Variants in ADGRB3 observed in about 807,000 individuals in gnomAD.
The protein encoded by ADGRB3 is brain-specific angiogenesis inhibitor 3.
Under a neutral mutation model 193.4 loss-of-function variants are expected in ADGRB3, and 37 were observed. That is an observed-to-expected ratio of 0.19 (90% CI 0.15 to 0.25). ADGRB3 has a LOEUF of 0.25. ADGRB3 is among the 10% of genes least tolerant of loss of function. The pLI is 1.00. For missense variants in ADGRB3, 1,637 were observed against 1,852.9 expected, an observed-to-expected ratio of 0.88 and a Z score of 2.14; for synonymous variants, 690 against 644.2, an observed-to-expected ratio of 1.07 and a Z score of -1.08.
At chr6:69,276,527 G>A (rs552743532) in intron 20 of ADGRB3, among the ~76,000 whole-genome samples, 13 of 152,168 alleles carry the variant, frequency 8.5e-5, no homozygotes, top group African/African-American at 3.1e-4. Flanking sequence ...TCCCATCAAG[G>A]TTTTCCACTT....
intron 3 of ADGRB3, among the ~76,000 whole-genome samples, chr6:68,840,369 CTTTTTTTTTTTTTTTTTTTTTTTTTT>C (rs752625602): frequency 1.4e-5 from 1 of 69,426 alleles, no homozygotes; most frequent in Non-Finnish European, 2.4e-5. Context: ...ACTGGGCAGT[CTTTTTTTTTTTTTTTTTTTTTTTTTT>C]TTTTTTTTTT....
chr6:68,936,762 T>C, intron 5 of ADGRB3, 82 bp downstream of exon 5: 1 of 1,435,918 alleles, frequency 7.0e-7, no homozygotes, highest in Non-Finnish European at 9.4e-7. Flanking sequence ...TATTTTCATA[T>C]GAAACGGGTA....
intron 13 of ADGRB3, among the ~76,000 whole-genome samples, chr6:69,040,330 T>TTTCTTTCTTTCC: frequency 2.2e-5 from 1 of 46,390 alleles, no homozygotes; most frequent in African/African-American, 6.5e-5. Context: ...TCTTTCTTTC[T>TTTCTTTCTTTCC]TTCTTTCTTT....
intron 17 of ADGRB3, among the ~76,000 whole-genome samples, chr6:69,099,606 G>A (rs1772977309): frequency 6.6e-6 from 1 of 152,184 alleles, no homozygotes; most frequent in Non-Finnish European, 1.5e-5. Flanking sequence ...GCTCCTCAAT[G>A]TGCTTCACTT....
At chr6:69,114,431 G>A (rs751225758) in intron 17 of ADGRB3, among the ~76,000 whole-genome samples, 1 of 152,216 alleles carries the variant, frequency 6.6e-6, no homozygotes, top group South Asian at 2.1e-4. Flanking sequence ...TGGATAGATT[G>A]CAAAAATTTT....
rs566067323 is a variant in ADGRB3 at position 69,037,598 on chromosome 6, C to T, written c.2108-10587C>T. Among the ~76,000 whole-genome samples, 5 of 152,102 alleles carry T rather than the reference C, an allele frequency of 3.3e-5. No individual in the cohort carries two copies. In the East Asian group the frequency reaches 9.7e-4, roughly 29 times the overall value. On this transcript the variant is annotated intron_variant, in intron 13 of 31. Coordinates refer to ENST00000370598, the MANE Select transcript of ADGRB3 (RefSeq NM_001704.3). The stretch of plus-strand genomic sequence containing the variant: ...AGCCTTTGACTTCTTATAAAACCAT[C>T]CTCTCATTATTAAACTATCCCTTTC...
intron 3 of ADGRB3, among the ~76,000 whole-genome samples, chr6:68,841,471 A>G (rs1265387102): frequency 6.6e-6 from 1 of 152,182 alleles, no homozygotes; most frequent in Admixed American, 6.5e-5. Context: ...CAAACTATAC[A>G]AGCTCATGGA....
At chr6:68,798,523 G>A (rs1161331280) in intron 3 of ADGRB3, among the ~76,000 whole-genome samples, 2 of 151,354 alleles carry the variant, frequency 1.3e-5, no homozygotes, top group East Asian at 1.9e-4. Context: ...TCACACAGTG[G>A]GGCCTGTCAG....
chr6:68,802,654 G>T (rs1039893434), intron 3 of ADGRB3, among the ~76,000 whole-genome samples: 2 of 152,170 alleles, frequency 1.3e-5, no homozygotes, highest in African/African-American at 2.4e-5. Flanking sequence ...CTTGCTTAAT[G>T]AATCCATTTA....
intron 20 of ADGRB3, 98 bp from the exon 21 acceptor site, chr6:69,324,774 T>C: frequency 3.7e-6 from 5 of 1,346,322 alleles, no homozygotes; most frequent in Non-Finnish European, 5.1e-6. Flanking sequence ...ATATTTGAAA[T>C]AAAAGCAATG....
At chr6:69,011,960 A>G (rs1381536594) in intron 11 of ADGRB3, among the ~76,000 whole-genome samples, 4 of 152,068 alleles carry the variant, frequency 2.6e-5, no homozygotes, top group Non-Finnish European at 5.9e-5. Flanking sequence ...GTAAAGCCAC[A>G]TTTGTTGGCC....
chr6:69,290,948 T>C (rs186826458), intron 20 of ADGRB3, among the ~76,000 whole-genome samples: 7 of 152,320 alleles, frequency 4.6e-5, no homozygotes, highest in African/African-American at 1.7e-4. Flanking sequence ...TTTATCAGAA[T>C]AATACCTGCT....
intron 17 of ADGRB3, among the ~76,000 whole-genome samples, chr6:69,077,827 T>A (rs1772276588): frequency 6.6e-6 from 1 of 152,008 alleles, no homozygotes; most frequent in African/African-American, 2.4e-5. Flanking sequence ...CTCAAGGGAT[T>A]GGTGTAGTTC....
chr6:69,146,827 T>G (rs1405120767), intron 17 of ADGRB3, among the ~76,000 whole-genome samples: 4 of 150,252 alleles, frequency 2.7e-5, no homozygotes, highest in African/African-American at 9.7e-5. Flanking sequence ...ACTTCTTTTT[T>G]TTTTTTTTTT....
intron 3 of ADGRB3, among the ~76,000 whole-genome samples, chr6:68,860,020 A>G (rs868404588): frequency 3.9e-5 from 6 of 152,294 alleles, no homozygotes; most frequent in African/African-American, 1.2e-4. Context: ...ATAACTATGT[A>G]TATTTTCCAA....
chr6:69,363,113 A>C (rs1354460179), intron 29 of ADGRB3, among the ~76,000 whole-genome samples: 5 of 151,992 alleles, frequency 3.3e-5, no homozygotes, highest in African/African-American at 1.2e-4. Context: ...GTGCTTGAAC[A>C]ATAGACTGTA....
Position 69,030,955 on chromosome 6 carries a change from TTTTTTCTTTTC to T in ADGRB3, c.2107+12461_2107+12471del, listed in dbSNP as rs1207096519. Among the ~76,000 whole-genome samples the T allele has an allele frequency of 3.3e-4, 6 of 18,220 alleles. 1 individual carries two copies. The highest frequency in any genetic ancestry group is 8.2e-4 in the Non-Finnish European group (5 of 6,082). 12.0% of individuals were successfully genotyped at this position (18,220 alleles called of 152,430 possible). The stretch of plus-strand genomic sequence containing the variant: ...GGGTTTTAATTTTCTTTTCTTTTCT[TTTTTTCTTTTC>T]TTTTCTTTTCTTTTCTTTTCTTTTC... On this transcript the variant is annotated intron_variant, in intron 13 of 31. Coordinates refer to ENST00000370598, the MANE Select transcript of ADGRB3 (RefSeq NM_001704.3).
chr6:69,274,623 C>CTTCCTTCCTTCT (rs576085951), intron 20 of ADGRB3, among the ~76,000 whole-genome samples: 8,294 of 129,276 alleles, frequency 0.064, 444 homozygotes, highest in Admixed American at 0.11. Context: ...CCCTCCCTCC[C>CTTCCTTCCTTCT]TTCCTTCCTT....
At chr6:68,873,248 C>G (rs990478124) in intron 3 of ADGRB3, among the ~76,000 whole-genome samples, 1 of 151,962 alleles carries the variant, frequency 6.6e-6, no homozygotes, top group Non-Finnish European at 1.5e-5. Flanking sequence ...AACATGCTAG[C>G]ATTGTATAAT....
Sources: gnomAD v4.1 joint callset for allele counts (sites outside exome capture counted in the v4.1 genomes callset) on GRCh38, gnomAD v4.1.1 for gene constraint, MANE v1.5 for transcripts, NCBI Gene and HGNC (gene_info 2026-07-23, HGNC 2026-07-21) for gene names.